Variants in MTMR7 observed in about 807,000 individuals in gnomAD.
MTMR7 encodes the protein phosphatidylinositol-3-phosphate phosphatase MTMR7.
A neutral mutation model predicts 81.2 loss-of-function variants in MTMR7; 76 were observed. The ratio of observed to expected loss-of-function variants is 0.94; its 90% CI spans 0.78 to 1.13. The LOEUF (loss-of-function observed/expected upper bound fraction) is 1.13. Among genes scored for constraint, MTMR7 ranks in the 50% most tolerant of loss-of-function variants. MTMR7 has a pLI of 0.00. For missense variants in MTMR7, 1,044 were observed against 820.0 expected (o/e 1.27, Z -3.34); for synonymous variants, 372 against 289.8 (o/e 1.28, Z -2.88).
intron 1 of MTMR7, among the ~76,000 whole-genome samples, chr8:17,408,826 AACT>A (rs1821665845): frequency 6.6e-6 from 1 of 152,160 alleles, no homozygotes. Flanking sequence ...CATCAAGTTT[AACT>A]ACTAATGGGC....
At chr8:17,330,733 G>A (rs541375815) in intron 7 of MTMR7, among the ~76,000 whole-genome samples, 5 of 152,258 alleles carry the variant, frequency 3.3e-5, no homozygotes, top group African/African-American at 1.2e-4. Flanking sequence ...CAGCTCCTCC[G>A]ATATTCTCCC....
In MTMR7 at chr8:17,302,259, G is replaced by A; in HGVS notation, c.1515C>T (p.Asn505=). 6.2e-7 allele frequency: 1 copy of A among 1,613,794 alleles called. No homozygotes were observed. The change falls in exon 13 of 14, where the codon AAC becomes AAT. Residue 505 remains asparagine, a synonymous_variant. Coordinates refer to ENST00000180173, the MANE Select transcript of MTMR7 (RefSeq NM_004686.5). The part of the protein sequence containing the change: ...FMYKFWSGMY[N]RFEKGMQPRQ... Reference sequence around the variant, plus strand: ...GGGGCTGCATCCCCTTTTCAAAGCGGTTATACATTCCACTCCAAAACCTGG... The same window carrying A: ...GGGGCTGCATCCCCTTTTCAAAGCGATTATACATTCCACTCCAAAACCTGG...
intron 1 of MTMR7, among the ~76,000 whole-genome samples, chr8:17,408,843 C>T (rs1821666175): frequency 6.6e-6 from 1 of 152,238 alleles, no homozygotes; most frequent in East Asian, 1.9e-4. Context: ...AATGGGCTAA[C>T]TACTAATGGA....
At chr8:17,332,357 G>A (rs1031803666) in intron 6 of MTMR7, among the ~76,000 whole-genome samples, 1 of 152,162 alleles carries the variant, frequency 6.6e-6, no homozygotes, top group African/African-American at 2.4e-5. Flanking sequence ...AAAAGTACCA[G>A]CACATAAAAA....
chr8:17,375,478 A>ATGTTTTGTTT (rs1563366364), intron 1 of MTMR7, among the ~76,000 whole-genome samples: 3 of 130,810 alleles, frequency 2.3e-5, no homozygotes, highest in African/African-American at 8.8e-5. Flanking sequence ...CTACTAGCTT[A>ATGTTTTGTTT]TGTTTTTTTT....
At chr8:17,318,497 A>G (rs1368623827) in intron 7 of MTMR7, among the ~76,000 whole-genome samples, 3 of 152,128 alleles carry the variant, frequency 2.0e-5, no homozygotes, top group Non-Finnish European at 4.4e-5. Context: ...CTGCAGCAGG[A>G]GGATGGACGG....
chr8:17,359,957 TA>T (rs1563357032), intron 4 of MTMR7, among the ~76,000 whole-genome samples: 1 of 152,096 alleles, frequency 6.6e-6, no homozygotes, highest in Non-Finnish European at 1.5e-5. Flanking sequence ...TGCTATCTTT[TA>T]AAAAAATTAA....
intron 1 of MTMR7, 74 bp from the exon 2 acceptor site, chr8:17,373,314 T>C: frequency 6.6e-7 from 1 of 1,512,426 alleles, no homozygotes; most frequent in Non-Finnish European, 8.9e-7. Flanking sequence ...GATAACAGGG[T>C]AAACTCACAC....
intron 1 of MTMR7, among the ~76,000 whole-genome samples, chr8:17,381,276 A>C (rs1362308505): frequency 3.9e-5 from 6 of 152,132 alleles, no homozygotes; most frequent in Non-Finnish European, 7.4e-5. Flanking sequence ...CCTGGGCCCC[A>C]CCACCGCACT....
intron 4 of MTMR7, among the ~76,000 whole-genome samples, chr8:17,359,149 T>A (rs998009047): frequency 7.9e-5 from 12 of 152,034 alleles, no homozygotes; most frequent in Admixed American, 6.6e-5. Context: ...CCCCTCGCCA[T>A]GGCTTCACGA....
At chr8:17,300,943 A>G (rs1019826861) in intron 13 of MTMR7, among the ~76,000 whole-genome samples, 13 of 152,224 alleles carry the variant, frequency 8.5e-5, no homozygotes, top group Admixed American at 8.5e-4. Context: ...TACAGCATGT[A>G]TCAAGTACTT....
chr8:17,310,461 G>A (rs1003513187), intron 9 of MTMR7, among the ~76,000 whole-genome samples: 11 of 152,160 alleles, frequency 7.2e-5, no homozygotes, highest in African/African-American at 2.2e-4. Context: ...GTTTAATGGG[G>A]CACAATGAGA....
At chr8:17,372,860 G>A (rs1454942582) in intron 2 of MTMR7, 1 of 360,020 alleles carries the variant, frequency 2.8e-6, no homozygotes, top group East Asian at 5.4e-5. Context: ...TGACAGCTGT[G>A]ACAGGAAGCA....
intron 3 of MTMR7, among the ~76,000 whole-genome samples, chr8:17,361,848 A>G (rs562314950): frequency 1.3e-5 from 2 of 152,368 alleles, no homozygotes; most frequent in African/African-American, 2.4e-5. Context: ...GCTCATTTGC[A>G]TAAGATTCAT....
chr8:17,362,644 C>G (rs1820094092), intron 3 of MTMR7, among the ~76,000 whole-genome samples: 1 of 152,182 alleles, frequency 6.6e-6, no homozygotes, highest in Admixed American at 6.5e-5. Flanking sequence ...AGATCCTTCT[C>G]TCTTCTTCTT....
chr8:17,302,782 G>C lies in MTMR7; in HGVS notation c.1494-502C>G, dbSNP rs1048511679. Among the ~76,000 whole-genome samples the C allele has an allele frequency of 2.2e-5, 3 of 137,598 alleles. No individual in the cohort carries two copies. The Admixed American group carries it at 2.5e-4, about 12-fold the overall frequency. 90.3% of individuals were successfully genotyped at this position (137,598 alleles called of 152,430 possible). On this transcript the variant is annotated intron_variant, in intron 12 of 13. Transcript: ENST00000180173. ...AACCGAAGTGCAGTGGTGTGATATCGGCTCCTTGCAACCTCCACCTCCCGG... is the reference window on the plus strand; with the variant it reads ...AACCGAAGTGCAGTGGTGTGATATCCGCTCCTTGCAACCTCCACCTCCCGG...
chr8:17,388,012 G>C (rs1163730721), intron 1 of MTMR7, among the ~76,000 whole-genome samples: 3 of 152,168 alleles, frequency 2.0e-5, no homozygotes. Context: ...ACACAGCCAA[G>C]CTACGTAAGA....
At chr8:17,304,291 A>G (rs1731114819) in intron 12 of MTMR7, 88 bp downstream of exon 12, 1 of 1,405,394 alleles carries the variant, frequency 7.1e-7, no homozygotes, top group East Asian at 2.3e-5. Context: ...CTCAAAGATC[A>G]GTGTCATACA....
chr8:17,311,540 G>T lies in MTMR7; in HGVS notation c.1072C>A (p.Pro358Thr). The T allele has an allele frequency of 6.2e-7, 1 of 1,614,000 alleles. No homozygotes were observed. Among genetic ancestry groups the T allele is most frequent in the East Asian group, 2.2e-5 (1 of 44,860 alleles). ...VCSVASLLLD[P>T]HYRTLKGFMV... ...AAGCCCTTCAGAGTCCGGTAGTGAGGGTCCAGCAGCAGGCTTGCCACCGAG... is the reference window on the plus strand; with the variant it reads ...AAGCCCTTCAGAGTCCGGTAGTGAGTGTCCAGCAGCAGGCTTGCCACCGAG... Residue 358 changes from proline to threonine, a missense_variant, in exon 9 of 14, where the codon CCT becomes ACT. Pro to Thr is a conservative substitution (Grantham distance 38). Transcript: ENST00000180173.
Sources: gnomAD v4.1 joint callset for allele counts (sites outside exome capture counted in the v4.1 genomes callset) on GRCh38, gnomAD v4.1.1 for gene constraint, MANE v1.5 for transcripts, NCBI Gene and HGNC (gene_info 2026-07-23, HGNC 2026-07-21) for gene names.